ALK: variants seen among roughly 807,000 people sequenced by gnomAD.
ALK encodes the protein ALK tyrosine kinase receptor.
A neutral mutation model predicts 163.1 loss-of-function variants in ALK; 74 were observed. That is an observed-to-expected ratio of 0.45 (90% CI 0.38 to 0.55). The LOEUF is 0.55. ALK is among the 20% of genes least tolerant of loss of function. The probability of loss-of-function intolerance (pLI) is 0.00; values close to 1 mark genes in which losing one functional copy is unlikely to be tolerated. For missense variants in ALK, 2,063 were observed against 2,105.3 expected (o/e 0.98, Z 0.39); for synonymous variants, 960 against 843.2 (o/e 1.14, Z -2.40).
intron 5 of ALK, among the ~76,000 whole-genome samples, chr2:29,370,520 T>C (rs1215422657): frequency 1.3e-5 from 2 of 152,366 alleles, no homozygotes; most frequent in East Asian, 1.9e-4. Flanking sequence ...GTTTCCATTA[T>C]ATTTAAATTT....
chr2:29,678,079 T>C (rs1157355266), intron 3 of ALK, among the ~76,000 whole-genome samples: 2 of 152,040 alleles, frequency 1.3e-5, no homozygotes, highest in African/African-American at 4.8e-5. Context: ...ATCTAAGGTG[T>C]CATATATTGG....
intron 1 of ALK, among the ~76,000 whole-genome samples, chr2:29,766,227 A>T (rs1237142656): frequency 6.6e-6 from 1 of 152,194 alleles, no homozygotes; most frequent in Non-Finnish European, 1.5e-5. Flanking sequence ...CCAATTCAGA[A>T]ATCTGGTTCT....
rs1183231919 is a variant in ALK at position 29,354,303 on chromosome 2, G to A, written c.1283-25822C>T. Reference sequence around the variant, plus strand: ...GACTCCTTCCTGGCTGTGATAGAAGGGAAGCGCTTTCACAAGCTGGCCAAC... The same window carrying A: ...GACTCCTTCCTGGCTGTGATAGAAGAGAAGCGCTTTCACAAGCTGGCCAAC... On this transcript the variant is annotated intron_variant, in intron 5 of 28. Transcript: ENST00000389048. 2.0e-5 allele frequency among the ~76,000 whole-genome samples: 3 copies of A among 152,180 alleles called. No homozygotes were observed. In the East Asian group the frequency reaches 5.8e-4, roughly 29 times the overall value.
chr2:29,333,448 TC>T (rs1667513089), intron 5 of ALK, among the ~76,000 whole-genome samples: 1 of 152,212 alleles, frequency 6.6e-6, no homozygotes, highest in Non-Finnish European at 1.5e-5. Flanking sequence ...TTTTTTTCTT[TC>T]CAAATTTATT....
chr2:29,753,608 G>GA (rs1340871995), intron 1 of ALK, among the ~76,000 whole-genome samples: 2 of 152,132 alleles, frequency 1.3e-5, no homozygotes, highest in Non-Finnish European at 2.9e-5. Context: ...ATTAAGGAGG[G>GA]AAAAAATCAA....
At chr2:29,834,673 G>A (rs1416520022) in intron 1 of ALK, among the ~76,000 whole-genome samples, 1 of 152,216 alleles carries the variant, frequency 6.6e-6, no homozygotes, top group Non-Finnish European at 1.5e-5. Flanking sequence ...TGCGAGTATA[G>A]AGAGGGGAGA....
chr2:29,343,675 G>A (rs77213084), intron 5 of ALK, among the ~76,000 whole-genome samples: 10,756 of 152,262 alleles, frequency 0.071, 503 homozygotes, highest in Non-Finnish European at 0.11. Context: ...GTTTCCATGT[G>A]CAGGAAGAAA....
chr2:29,639,165 T>C (rs1676629001), intron 3 of ALK, among the ~76,000 whole-genome samples: 1 of 152,162 alleles, frequency 6.6e-6, no homozygotes, highest in Non-Finnish European at 1.5e-5. Flanking sequence ...ACAGGGCTCA[T>C]ATTTAGCCAC....
At chr2:29,520,321 T>C (rs151064001) in intron 4 of ALK, among the ~76,000 whole-genome samples, 2 of 152,224 alleles carry the variant, frequency 1.3e-5, no homozygotes, top group African/African-American at 4.8e-5. Flanking sequence ...GATGCATTCT[T>C]AAAACCATGT....
intron 1 of ALK, among the ~76,000 whole-genome samples, chr2:29,855,919 GTTTC>G (rs1212614625): frequency 1.3e-5 from 2 of 152,098 alleles, no homozygotes; most frequent in Non-Finnish European, 2.9e-5. Context: ...ATCACGTTTT[GTTTC>G]TTTAATGTGT....
At position 29,694,909 on chromosome 2, in the gene ALK, G is replaced by T. The variant is rs750435024; in HGVS notation, c.893C>A (p.Ala298Asp). 1 of 1,614,114 alleles carries T rather than the reference G, an allele frequency of 6.2e-7. No individual in the cohort carries two copies. The highest frequency in any genetic ancestry group is 8.5e-7 in the Non-Finnish European group (1 of 1,180,000). ...CCCATCCAGCAAGTCCATCTGGGAG[G>T]CCTCCTCGGAGGGGATGCGGCGCCA... ...WSWRRIPSEE[A>D]SQMDLLDGPG... The change falls in exon 3 of 29, where the codon GCC becomes GAC. Residue 298 changes from alanine (A) to aspartate (D), a missense_variant. Coordinates refer to ENST00000389048, the MANE Select transcript of ALK (RefSeq NM_004304.5).
chr2:29,585,162 A>T (rs1674844136), intron 3 of ALK, among the ~76,000 whole-genome samples: 1 of 152,180 alleles, frequency 6.6e-6, no homozygotes, highest in African/African-American at 2.4e-5. Context: ...TGATAGTTTT[A>T]AACCCTATAT....
intron 5 of ALK, among the ~76,000 whole-genome samples, chr2:29,372,981 C>T (rs1026541172): frequency 7.2e-5 from 11 of 151,810 alleles, no homozygotes; most frequent in Admixed American, 7.2e-4. Context: ...ACCCTGTTTG[C>T]TTCACAGCCA....
rs774904862 is a variant in ALK, at chr2:29,717,670, T to G, written c.695A>C (p.Asn232Thr). 1.2e-6 allele frequency: 2 copies of G among 1,614,078 alleles called. No individual in the cohort carries two copies. Among genetic ancestry groups the G allele is most frequent in the African/African-American group, 2.7e-5 (2 of 75,030 alleles). ...ATAATCAGGAGAAGGAGAAGGCATG[T>G]TTGTTGGTGATTCCAAGGAGCTATG... ...TGHSSLESPTNMPSPSPDYFT... is the reference protein window; with the variant it reads ...TGHSSLESPTTMPSPSPDYFT... The change falls in exon 2 of 29, where the codon AAC becomes ACC. Residue 232 changes from asparagine to threonine, a missense_variant. Physicochemically the swap from Asn to Thr is moderately conservative, Grantham distance 65. Coordinates refer to ENST00000389048, the MANE Select transcript of ALK (RefSeq NM_004304.5).
At chr2:29,314,861 C>T (rs1344333974) in intron 8 of ALK, among the ~76,000 whole-genome samples, 1 of 152,072 alleles carries the variant, frequency 6.6e-6, no homozygotes, top group Non-Finnish European at 1.5e-5. Context: ...GTGTCAGCCG[C>T]CACTCTGCCG....
intron 1 of ALK, among the ~76,000 whole-genome samples, chr2:29,846,911 C>CG (rs111604007): frequency 5.1e-4 from 78 of 152,228 alleles, no homozygotes; most frequent in African/African-American, 1.8e-3. Context: ...TTATTTGGCC[C>CG]GCACCTATAA....
At chr2:29,376,597 C>T (rs1176885424) in intron 5 of ALK, among the ~76,000 whole-genome samples, 2 of 152,202 alleles carry the variant, frequency 1.3e-5, no homozygotes. Flanking sequence ...GATAGCTGAG[C>T]CTGCTACATA....
intron 1 of ALK, chr2:29,890,591 A>G (rs1239049302): frequency 6.6e-6 from 1 of 152,190 alleles, no homozygotes; most frequent in African/African-American, 2.4e-5. Context: ...CATCTATTTG[A>G]ATGATGTTAA....
chr2:29,689,395 G>A (rs1678329844), intron 3 of ALK, among the ~76,000 whole-genome samples: 1 of 152,180 alleles, frequency 6.6e-6, no homozygotes, highest in Non-Finnish European at 1.5e-5. Flanking sequence ...AGTTCAAAAG[G>A]TGACTCAGGT....
Sources: allele counts gnomAD v4.1 joint callset (sites outside exome capture counted in the v4.1 genomes callset), GRCh38; gene constraint gnomAD v4.1.1; transcripts MANE v1.5; gene names NCBI Gene and HGNC (gene_info 2026-07-23, HGNC 2026-07-21).